Variants in PIR observed in about 807,000 individuals in gnomAD.
PIR encodes the protein pirin (iron-binding nuclear protein).
Under a neutral mutation model 24.2 loss-of-function variants are expected in PIR, and 22 were observed. That is an observed-to-expected ratio of 0.91 (90% CI 0.65 to 1.30). The LOEUF (loss-of-function observed/expected upper bound fraction) is 1.30. Among genes scored for constraint, PIR ranks in the 50% most tolerant of loss-of-function variants. The probability of loss-of-function intolerance (pLI) is 0.00; values close to 1 mark genes in which losing one functional copy is unlikely to be tolerated. For missense variants in PIR, 220 were observed against 220.3 expected, an observed-to-expected ratio of 1.00 and a Z score of 0.01; for synonymous variants, 80 against 79.6, an observed-to-expected ratio of 1.00 and a Z score of -0.03.
chrX:15,389,759 T>C (rs992712633), intron 9 of PIR, among the ~76,000 whole-genome samples: 7 of 111,287 alleles, frequency 6.3e-5, no homozygotes, highest in African/African-American at 2.0e-4. Context: ...TTAAAAATAC[T>C]ATTCCTAAGA....
chrX:15,421,434 A>G (rs1189191539), intron 6 of PIR, among the ~76,000 whole-genome samples: 1 of 111,362 alleles, frequency 9.0e-6, no homozygotes, highest in Non-Finnish European at 1.9e-5. Context: ...ACCCAAATAA[A>G]TAAAATCAGA....
intron 5 of PIR, among the ~76,000 whole-genome samples, chrX:15,442,211 G>A (rs188829405): frequency 1.8e-5 from 2 of 110,301 alleles, no homozygotes; most frequent in African/African-American, 3.3e-5. Context: ...TCATTATCAC[G>A]TTTTCATTAT....
intron 7 of PIR, among the ~76,000 whole-genome samples, chrX:15,403,603 T>TA (rs1924459083): frequency 9.0e-6 from 1 of 111,304 alleles, no homozygotes; most frequent in African/African-American, 3.3e-5. Context: ...TTTTTTTTTT[T>TA]ATCATATGAT....
intron 5 of PIR, among the ~76,000 whole-genome samples, chrX:15,445,816 ATTTCTTTTTTT>A (rs1382648282): frequency 2.5e-5 from 2 of 79,439 alleles, no homozygotes; most frequent in Non-Finnish European, 4.9e-5. Flanking sequence ...TATTCAAGAT[ATTTCTTTTTTT>A]TTTTTTTTTT....
intron 2 of PIR, among the ~76,000 whole-genome samples, chrX:15,482,169 T>C (rs1041510507): frequency 8.9e-6 from 1 of 112,048 alleles, no homozygotes; most frequent in Non-Finnish European, 1.9e-5. Context: ...GAATATTTGG[T>C]AGTAACATTT....
At chrX:15,448,415 T>C (rs1926177490) in intron 5 of PIR, among the ~76,000 whole-genome samples, 1 of 112,424 alleles carries the variant, frequency 8.9e-6, no homozygotes. Context: ...TCAGGCTACA[T>C]GGCCTGTAGC....
chrX:15,407,037 T>G (rs1322759658), intron 7 of PIR, among the ~76,000 whole-genome samples: 1 of 112,082 alleles, frequency 8.9e-6, no homozygotes, highest in African/African-American at 3.2e-5. Context: ...TTTTCTTGAT[T>G]AGACTCAACA....
At chrX:15,445,934 A>G (rs1926084327) in intron 5 of PIR, among the ~76,000 whole-genome samples, 1 of 93,666 alleles carries the variant, frequency 1.1e-5, no homozygotes, top group Admixed American at 1.4e-4. Flanking sequence ...GGTTCACGCC[A>G]TTCTCCTGCC....
intron 3 of PIR, chrX:15,478,388 G>C (rs994403703): frequency 8.9e-6 from 1 of 112,326 alleles, no homozygotes. Flanking sequence ...TATCCGAAAA[G>C]ACCTTGAAGG....
intron 5 of PIR, among the ~76,000 whole-genome samples, chrX:15,448,496 A>G (rs988572537): frequency 8.9e-6 from 1 of 112,012 alleles, no homozygotes; most frequent in African/African-American, 3.2e-5. Context: ...CATGCTGGGG[A>G]GGCCACTGCA....
intron 6 of PIR, among the ~76,000 whole-genome samples, chrX:15,409,526 G>A (rs1288898839): frequency 1.8e-5 from 2 of 111,103 alleles, no homozygotes; most frequent in Non-Finnish European, 3.8e-5. Context: ...CACCTTTGGC[G>A]GGGGGAGGTC....
At chrX:15,448,594 C>T (rs182836793) in intron 5 of PIR, among the ~76,000 whole-genome samples, 1 of 112,035 alleles carries the variant, frequency 8.9e-6, no homozygotes, top group African/African-American at 3.2e-5. Flanking sequence ...AGGCAAAATC[C>T]AGAGGTAGAC....
intron 7 of PIR, among the ~76,000 whole-genome samples, chrX:15,399,450 C>A (rs774059900): frequency 4.1e-4 from 46 of 111,823 alleles, no homozygotes; most frequent in Non-Finnish European, 8.1e-4. Context: ...TCTAACAGAG[C>A]AGGAGTTCTC....
chrX:15,408,822 A>G (rs1367869664), intron 6 of PIR, among the ~76,000 whole-genome samples: 1 of 111,934 alleles, frequency 8.9e-6, no homozygotes, highest in Non-Finnish European at 1.9e-5. Context: ...AGAAGGAGCA[A>G]GGAGGCCAAA....
intron 5 of PIR, among the ~76,000 whole-genome samples, chrX:15,443,834 A>G: frequency 8.9e-6 from 1 of 112,112 alleles, no homozygotes. Context: ...GGGAATAGCA[A>G]GAGAACTAGA....
chrX:15,443,288 T>C (rs1925980610), intron 5 of PIR, among the ~76,000 whole-genome samples: 1 of 110,351 alleles, frequency 9.1e-6, no homozygotes, highest in Non-Finnish European at 1.9e-5. Context: ...TGAGCCCTAC[T>C]ATTCAGAAAA....
At chrX:15,465,372 A>G (rs191499231) in intron 3 of PIR, among the ~76,000 whole-genome samples, 1 of 112,036 alleles carries the variant, frequency 8.9e-6, no homozygotes, top group Non-Finnish European at 1.9e-5. Context: ...TGCTAGACTG[A>G]GACTTTACAT....
intron 1 of PIR, 93 bp from the exon 2 acceptor site, chrX:15,491,402 T>G: frequency 1.8e-5 from 7 of 394,819 alleles, no homozygotes; most frequent in East Asian, 4.3e-5. Flanking sequence ...ATGCGCAAAA[T>G]AGTAGCAGCT....
At chrX:15,463,945 G>A (rs1230066927) in intron 3 of PIR, among the ~76,000 whole-genome samples, 1 of 112,294 alleles carries the variant, frequency 8.9e-6, no homozygotes, top group African/African-American at 3.2e-5. Context: ...AAGATTTTCT[G>A]CACAATTCCA....
Sources: gnomAD v4.1 joint callset for allele counts (sites outside exome capture counted in the v4.1 genomes callset) on GRCh38, gnomAD v4.1.1 for gene constraint, MANE v1.5 for transcripts, NCBI Gene and HGNC (gene_info 2026-07-23, HGNC 2026-07-21) for gene names.